ERO1B: variants seen among roughly 807,000 people sequenced by gnomAD.
ERO1B encodes ERO1-like protein beta.
Under a neutral mutation model 75.3 loss-of-function variants are expected in ERO1B, and 49 were observed. The ratio of observed to expected loss-of-function variants is 0.65; its 90% CI spans 0.52 to 0.83. The LOEUF (loss-of-function observed/expected upper bound fraction) is 0.83. Ranked by LOEUF, ERO1B falls within the 40% of genes least tolerant of loss-of-function variation. The pLI is 0.00. For missense variants in ERO1B, 512 were observed against 560.1 expected, an observed-to-expected ratio of 0.91 and a Z score of 0.87; for synonymous variants, 191 against 192.9, an observed-to-expected ratio of 0.99 and a Z score of 0.08.
At chr1:236,245,742 C>G (rs1016507214) in intron 5 of ERO1B, among the ~76,000 whole-genome samples, 5 of 145,582 alleles carry the variant, frequency 3.4e-5, no homozygotes, top group Non-Finnish European at 6.0e-5. Flanking sequence ...TCTGCCACCA[C>G]GCCTGGCTAA....
intron 1 of ERO1B, among the ~76,000 whole-genome samples, chr1:236,274,311 C>G (rs1213465036): frequency 1.3e-5 from 2 of 152,116 alleles, no homozygotes; most frequent in Admixed American, 6.6e-5. Context: ...TAATATTAAT[C>G]TATGCTTTAA....
intron 2 of ERO1B, among the ~76,000 whole-genome samples, chr1:236,261,709 A>G (rs1665297518): frequency 6.6e-6 from 1 of 152,242 alleles, no homozygotes; most frequent in East Asian, 1.9e-4. Context: ...TGTCCATATC[A>G]CCTAAAGTGA....
intron 2 of ERO1B, among the ~76,000 whole-genome samples, chr1:236,268,544 G>A (rs1264361563): frequency 6.6e-6 from 1 of 152,128 alleles, no homozygotes; most frequent in Non-Finnish European, 1.5e-5. Flanking sequence ...TTGAAGCCAG[G>A]AATTTGAGAT....
At chr1:236,251,553 T>C in intron 4 of ERO1B, 1 of 656,082 alleles carries the variant, frequency 1.5e-6, no homozygotes. Flanking sequence ...TTATTATGGA[T>C]GCGCAGTAGT....
intron 2 of ERO1B, chr1:236,267,638 G>T: frequency 6.6e-6 from 1 of 152,166 alleles, no homozygotes; most frequent in South Asian, 2.1e-4. Context: ...AAACTGGCAT[G>T]TTCAACCATT....
chr1:236,263,196 C>T (rs1048906346), intron 2 of ERO1B, among the ~76,000 whole-genome samples: 6 of 152,114 alleles, frequency 3.9e-5, no homozygotes, highest in African/African-American at 1.4e-4. Context: ...GAGAACCTAA[C>T]CTGTGACAAC....
At chr1:236,234,157 A>G (rs367972929) in intron 8 of ERO1B, among the ~76,000 whole-genome samples, 1 of 152,202 alleles carries the variant, frequency 6.6e-6, no homozygotes, top group South Asian at 2.1e-4. Flanking sequence ...GAGTACTCCT[A>G]TAACAGCTAG....
Position 236,263,778 on chromosome 1 carries a change from CTTTTTTTTTTTTTT to C in ERO1B, c.222+6083_222+6096del. Among the ~76,000 whole-genome samples the C allele has an allele frequency of 1.2e-3, 96 of 80,290 alleles. 1 individual carries two copies. The highest frequency in any genetic ancestry group is 7.6e-3 in the East Asian group (26 of 3,400). The allele number at this position is 80,290 out of a possible 152,430, so 52.7% of individuals were successfully genotyped here. ...TATATTTTTTGTTTTATTTTGTTTG[CTTTTTTTTTTTTTT>C]TTTTTTTTTTTTTTGAGTCAGTAGT... On this transcript the variant is annotated intron_variant, in intron 2 of 15. Transcript: ENST00000354619.
chr1:236,217,146 G>A lies in ERO1B; in HGVS notation c.*1370C>T, dbSNP rs924331018. On this transcript the variant is annotated 3_prime_UTR_variant, in exon 16 of 16. Coordinates refer to ENST00000354619, the MANE Select transcript of ERO1B (RefSeq NM_019891.4). ...CATCAATGAACACATTTCAGACTTT[G>A]ACAGGATAAAATATGGATTTAAGAG... 7 of 151,898 alleles carry A rather than the reference G, an allele frequency of 4.6e-5. No homozygotes were observed. Among genetic ancestry groups the A allele is most frequent in the African/African-American group, 1.5e-4 (6 of 41,354 alleles). 9.4% of individuals were successfully genotyped at this position (151,898 alleles called of 1,614,324 possible).
chr1:236,259,286 T>C lies in ERO1B; in HGVS notation c.223-5781A>G, dbSNP rs566616634. Among the ~76,000 whole-genome samples the C allele has an allele frequency of 2.6e-5, 4 of 151,952 alleles. No homozygotes were observed. In the South Asian group the frequency reaches 8.3e-4, roughly 32 times the overall value. ...AAGGCATACCACTATAAAAAAATCA[T>C]CAAACCACAAAGGAAAACAGCAAGA... is the stretch of plus-strand genomic sequence containing the variant. On this transcript the variant is annotated intron_variant, in intron 2 of 15. Transcript: ENST00000354619.
At chr1:236,222,317 T>C (rs1158429422) in intron 13 of ERO1B, among the ~76,000 whole-genome samples, 1 of 152,210 alleles carries the variant, frequency 6.6e-6, no homozygotes, top group Admixed American at 6.5e-5. Flanking sequence ...TTCGCCATGT[T>C]GTCCAGGCTG....
intron 4 of ERO1B, among the ~76,000 whole-genome samples, chr1:236,250,572 CATATATATAT>C (rs1171832762): frequency 0.021 from 1,836 of 86,344 alleles, 41 homozygotes; most frequent in East Asian, 0.063. Flanking sequence ...TAAATTTGAC[CATATATATAT>C]ATATATATAT....
intron 8 of ERO1B, among the ~76,000 whole-genome samples, chr1:236,233,752 G>A (rs12028457): frequency 0.068 from 10,386 of 152,124 alleles, 745 homozygotes; most frequent in East Asian, 0.39. Flanking sequence ...GAACATTACT[G>A]TTTCCAACCT....
At chr1:236,264,300 G>C (rs1280473495) in intron 2 of ERO1B, among the ~76,000 whole-genome samples, 5 of 152,074 alleles carry the variant, frequency 3.3e-5, no homozygotes, top group African/African-American at 9.7e-5. Flanking sequence ...GTGGAGACAG[G>C]GTTCTGCCAT....
rs778311644 is a variant in ERO1B, at chr1:236,221,926, G to T, written c.1207C>A (p.Gln403Lys). Residue 403 changes from glutamine (Q) to lysine (K), a missense_variant and splice_region_variant, in exon 14 of 16, where the codon CAG (glutamine) becomes AAG (lysine). Transcript: ENST00000354619. ...AAAAGAGAAGACAACACATATACCTGTAATTTTCCCCATAATCTGCATTTG... is the reference window on the plus strand; with the variant it reads ...AAAAGAGAAGACAACACATATACCTTTAATTTTCCCCATAATCTGCATTTG... ...CDKCRLWGKLQTQGLGTALKI... is the reference protein window; with the variant it reads ...CDKCRLWGKLKTQGLGTALKI... The T allele has an allele frequency of 4.4e-5, 71 of 1,611,022 alleles. No individual in the cohort carries two copies. The highest frequency in any genetic ancestry group is 5.9e-5 in the Non-Finnish European group (70 of 1,177,498).
At chr1:236,253,687 C>T (rs898715015) in intron 2 of ERO1B, among the ~76,000 whole-genome samples, 182 bp from the exon 3 acceptor site, 13 of 152,184 alleles carry the variant, frequency 8.5e-5, no homozygotes, top group African/African-American at 2.9e-4. Context: ...CATTGCACTC[C>T]AGACTGGGTG....
chr1:236,230,424 C>T (rs1309679723), intron 9 of ERO1B, among the ~76,000 whole-genome samples, 174 bp from the exon 10 acceptor site: 1 of 151,670 alleles, frequency 6.6e-6, no homozygotes, highest in East Asian at 1.9e-4. Context: ...CCAGCCTGGC[C>T]AACATGGCGA....
At chr1:236,251,599 T>A (rs1375064591) in intron 4 of ERO1B, among the ~76,000 whole-genome samples, 1 of 152,024 alleles carries the variant, frequency 6.6e-6, no homozygotes, top group Non-Finnish European at 1.5e-5. Flanking sequence ...TAAAAACATA[T>A]CAATGGCAAA....
At chr1:236,256,154 C>T (rs913936728) in intron 2 of ERO1B, among the ~76,000 whole-genome samples, 6 of 152,186 alleles carry the variant, frequency 3.9e-5, no homozygotes, top group Non-Finnish European at 8.8e-5. Context: ...AGGCCTCTGC[C>T]AGCAAGAACA....
Sources: gnomAD v4.1 joint callset for allele counts (sites outside exome capture counted in the v4.1 genomes callset) on GRCh38, gnomAD v4.1.1 for gene constraint, MANE v1.5 for transcripts, NCBI Gene and HGNC (gene_info 2026-07-23, HGNC 2026-07-21) for gene names.